Variants in EPC2 observed in about 807,000 individuals in gnomAD.
EPC2 encodes the protein enhancer of polycomb homolog 2.
Under a neutral mutation model 92.1 loss-of-function variants are expected in EPC2, and 14 were observed. The observed-to-expected ratio is 0.15, with a 90% CI of 0.10 to 0.24. EPC2 has a LOEUF of 0.24. EPC2 is among the 10% of genes least tolerant of loss of function. The probability of loss-of-function intolerance (pLI) is 1.00; values close to 1 mark genes in which losing one functional copy is unlikely to be tolerated. For missense variants in EPC2, 755 were observed against 971.5 expected (o/e 0.78, Z 2.96); for synonymous variants, 340 against 334.7 (o/e 1.02, Z -0.17).
At chr2:148,689,075 A>G (rs1239762934) in intron 1 of EPC2, among the ~76,000 whole-genome samples, 1 of 152,234 alleles carries the variant, frequency 6.6e-6, no homozygotes, top group African/African-American at 2.4e-5. Flanking sequence ...GACCGTTTGG[A>G]TATATAGAAA....
intron 1 of EPC2, among the ~76,000 whole-genome samples, chr2:148,654,976 A>G (rs1222833962): frequency 1.3e-5 from 2 of 152,194 alleles, no homozygotes; most frequent in Non-Finnish European, 2.9e-5. Flanking sequence ...TGTACACTAG[A>G]GAAGTGAATA....
At chr2:148,749,592 C>CA (rs2105412844) in intron 3 of EPC2, among the ~76,000 whole-genome samples, 1 of 151,844 alleles carries the variant, frequency 6.6e-6, no homozygotes, top group East Asian at 1.9e-4. Context: ...ATGTGGTTCT[C>CA]ACGTGCACTA....
intron 6 of EPC2, among the ~76,000 whole-genome samples, chr2:148,763,212 T>C (rs190818369): frequency 6.6e-6 from 1 of 152,292 alleles, no homozygotes; most frequent in Admixed American, 6.5e-5. Flanking sequence ...ATTGAGACTA[T>C]TGAAAATTAT....
chr2:148,678,350 C>T (rs1231218958), intron 1 of EPC2, among the ~76,000 whole-genome samples: 1 of 152,240 alleles, frequency 6.6e-6, no homozygotes, highest in Non-Finnish European at 1.5e-5. Flanking sequence ...CAGTGGATCC[C>T]GCACCAGGGC....
intron 1 of EPC2, among the ~76,000 whole-genome samples, chr2:148,672,507 T>C (rs900330740): frequency 1.4e-4 from 21 of 152,176 alleles, no homozygotes; most frequent in African/African-American, 4.8e-4. Context: ...TGAAGGTATT[T>C]GTGGTGTGAT....
intron 1 of EPC2, among the ~76,000 whole-genome samples, chr2:148,647,112 C>G (rs1423232130): frequency 6.6e-6 from 1 of 151,736 alleles, no homozygotes; most frequent in Non-Finnish European, 1.5e-5. Context: ...TCCGTCCCCC[C>G]CAACAACAAA....
chr2:148,730,436 A>G (rs1682594000), intron 2 of EPC2, among the ~76,000 whole-genome samples: 1 of 152,224 alleles, frequency 6.6e-6, no homozygotes, highest in African/African-American at 2.4e-5. Flanking sequence ...AAAGTTTATA[A>G]TGTTTTAGAG....
Position 148,645,128 on chromosome 2 carries a change from C to G in EPC2, c.111C>G (p.Ala37=). The change falls in exon 1 of 14, where the codon GCC becomes GCG. Residue 37 remains alanine, a synonymous_variant. Coordinates refer to ENST00000258484, the MANE Select transcript of EPC2 (RefSeq NM_015630.4). ...DLNDCVSINR[A]VPQMPTGMEK... is the part of the protein sequence containing the mutation. ...ACGACTGCGTCTCCATCAACCGGGC[C>G]GTGCCCCAGATGCCCACCGGGATGG... 6.2e-7 allele frequency: 1 copy of G among 1,610,022 alleles called. No homozygotes were observed. The highest frequency in any genetic ancestry group is 1.1e-5 in the South Asian group (1 of 90,038).
chr2:148,681,895 C>T lies in EPC2; in HGVS notation c.154-8319C>T, dbSNP rs1172998782. Among the ~76,000 whole-genome samples, 4 of 152,078 alleles carry T rather than the reference C, an allele frequency of 2.6e-5. No homozygotes were observed. In the East Asian group the frequency reaches 5.8e-4, roughly 22 times the overall value. ...TACCCCCTACCCGACAACAGGCCCC[C>T]GGGGTGTGATGTTCCCCACCTTGTG... On this transcript the variant is annotated intron_variant, in intron 1 of 13. Coordinates refer to ENST00000258484, the MANE Select transcript of EPC2 (RefSeq NM_015630.4).
intron 1 of EPC2, among the ~76,000 whole-genome samples, chr2:148,686,872 G>GA (rs1159660111): frequency 6.6e-6 from 1 of 152,124 alleles, no homozygotes; most frequent in Non-Finnish European, 1.5e-5. Context: ...AGGGCCTTAG[G>GA]ATTTTTGGAA....
chr2:148,775,735 ATATCTT>A (rs1469339832), intron 10 of EPC2, among the ~76,000 whole-genome samples: 1 of 69,516 alleles, frequency 1.4e-5, no homozygotes, highest in African/African-American at 5.2e-5. Context: ...ATATCTTTAA[ATATCTT>A]TAAATATTTA....
chr2:148,722,262 C>A (rs1212368392), intron 2 of EPC2, among the ~76,000 whole-genome samples: 2 of 152,130 alleles, frequency 1.3e-5, no homozygotes, highest in Admixed American at 1.3e-4. Flanking sequence ...TTTTTCCCCC[C>A]TTAGGGTGGG....
chr2:148,782,459 C>T (rs1683771959), intron 11 of EPC2, among the ~76,000 whole-genome samples: 1 of 151,988 alleles, frequency 6.6e-6, no homozygotes, highest in Non-Finnish European at 1.5e-5. Flanking sequence ...ATCGCTTGAA[C>T]CCTGAAGGTG....
intron 2 of EPC2, among the ~76,000 whole-genome samples, chr2:148,719,211 T>C (rs552089713): frequency 1.4e-4 from 22 of 152,300 alleles, no homozygotes; most frequent in African/African-American, 5.1e-4. Context: ...GTGAACTTCG[T>C]TGTTACCACC....
intron 3 of EPC2, among the ~76,000 whole-genome samples, chr2:148,745,747 G>A (rs756438988): frequency 6.6e-6 from 1 of 152,074 alleles, no homozygotes; most frequent in South Asian, 2.1e-4. Flanking sequence ...TTAATTTATG[G>A]ATCTCTTTAC....
At chr2:148,779,728 A>G (rs182744068) in intron 10 of EPC2, among the ~76,000 whole-genome samples, 1 of 152,332 alleles carries the variant, frequency 6.6e-6, no homozygotes, top group African/African-American at 2.4e-5. Flanking sequence ...CTGAAAGTAT[A>G]TATCCTTATT....
intron 1 of EPC2, among the ~76,000 whole-genome samples, chr2:148,648,247 TC>T (rs1469081628): frequency 1.3e-5 from 2 of 152,154 alleles, no homozygotes; most frequent in Admixed American, 1.3e-4. Flanking sequence ...TCTTTTTCTT[TC>T]TTTTTTAAAT....
chr2:148,708,208 A>G (rs1335869673), intron 2 of EPC2, among the ~76,000 whole-genome samples: 4 of 152,224 alleles, frequency 2.6e-5, no homozygotes, highest in Admixed American at 2.0e-4. Flanking sequence ...AGAGAATACT[A>G]TAAACCCCTC....
intron 4 of EPC2, among the ~76,000 whole-genome samples, chr2:148,754,412 A>G (rs1158788295): frequency 1.3e-5 from 2 of 152,088 alleles, no homozygotes; most frequent in African/African-American, 4.8e-5. Flanking sequence ...TGATCATACC[A>G]TTTTATGCTT....
Sources: allele counts gnomAD v4.1 joint callset (sites outside exome capture counted in the v4.1 genomes callset), GRCh38; gene constraint gnomAD v4.1.1; transcripts MANE v1.5; gene names NCBI Gene and HGNC (gene_info 2026-07-23, HGNC 2026-07-21).